The following ATAD2 variants were observed in gnomAD, a reference collection of about 807,000 sequenced individuals.
ATAD2 encodes ATPase family AAA domain containing 2, also known as ATPase family AAA domain-containing protein 2.
Under a neutral mutation model 168.9 loss-of-function variants are expected in ATAD2, and 62 were observed. That is an observed-to-expected ratio of 0.37 (90% CI 0.30 to 0.45). The LOEUF is 0.45. Among genes scored for constraint, ATAD2 ranks in the 20% least tolerant of loss-of-function variants. The pLI, the probability that ATAD2 is intolerant of heterozygous loss-of-function variation, is 1.00. For missense variants in ATAD2, 1,419 were observed against 1,667.8 expected (o/e 0.85, Z 2.60); for synonymous variants, 613 against 571.6 (o/e 1.07, Z -1.03).
chr8:123,387,160 G>C (rs1440771590), intron 1 of ATAD2, among the ~76,000 whole-genome samples: 1 of 151,908 alleles, frequency 6.6e-6, no homozygotes, highest in Non-Finnish European at 1.5e-5. Context: ...TTAAAACTGA[G>C]ATAATACTAT....
At position 123,326,041 on chromosome 8, in the gene ATAD2, C is replaced by T; in HGVS notation, c.3869-15G>A. ...AACACACATTTCTAGAATGAAAAAT[C>T]AAATGATTATTATTTGGTCCATAGA... On this transcript the variant is annotated splice_polypyrimidine_tract_variant and intron_variant, in intron 25 of 27. Transcript: ENST00000287394. 6.2e-7 allele frequency: 1 copy of T among 1,611,836 alleles called. No individual in the cohort carries two copies. Among genetic ancestry groups the T allele is most frequent in the South Asian group, 1.1e-5 (1 of 90,750 alleles).
chr8:123,389,567 A>G (rs979439564), intron 1 of ATAD2, among the ~76,000 whole-genome samples: 62 of 151,230 alleles, frequency 4.1e-4, no homozygotes, highest in Admixed American at 1.5e-3. Context: ...GTGAACCCAG[A>G]AGGAGGAGCT....
At chr8:123,324,008 C>T (rs902158026) in intron 26 of ATAD2, among the ~76,000 whole-genome samples, 11 of 152,118 alleles carry the variant, frequency 7.2e-5, no homozygotes, top group Non-Finnish European at 1.3e-4. Context: ...CTACTCTTAA[C>T]CCCAAACAAC....
Position 123,371,959 on chromosome 8 carries a change from T to TA in ATAD2, c.371-125dup, listed in dbSNP as rs530691223. ...TAACAAAATTACAGTATCTTAAACT[T>TA]AGCTTTCTTAAAAACATCAGAAAAC... On this transcript the variant is annotated intron_variant, in intron 3 of 27. Coordinates refer to ENST00000287394, the MANE Select transcript of ATAD2 (RefSeq NM_014109.4). 6.4e-4 allele frequency: 656 copies of TA among 1,028,098 alleles called. 6 individuals are homozygous for TA. The East Asian group carries it at 0.018, about 29-fold the overall frequency. 63.7% of individuals were successfully genotyped at this position (1,028,098 alleles called of 1,614,324 possible).
rs1194404607 is a variant in ATAD2, at chr8:123,344,987, G to A, written c.2615C>T (p.Thr872Ile). ...TAATGTGGTAAATGTGGCTTTAAGT[G>A]TCGGTCCAACTATTTCCCACCACAC... ...IHVWWEIVGP[T>I]LKATFTTLLQ... Residue 872 changes from threonine to isoleucine, a missense_variant, in exon 19 of 28, where the codon ACA becomes ATA. Around this residue, in one of 5 missense-constraint regions of ATAD2, gnomAD observed 545 missense variants for 724.9 expected, o/e 0.75. Coordinates refer to ENST00000287394, the MANE Select transcript of ATAD2 (RefSeq NM_014109.4). 6.2e-7 allele frequency: 1 copy of A among 1,614,002 alleles called. No individual in the cohort carries two copies. Among genetic ancestry groups the A allele is most frequent in the South Asian group, 1.1e-5 (1 of 91,082 alleles).
At chr8:123,341,913 C>A (rs1828073741) in intron 19 of ATAD2, among the ~76,000 whole-genome samples, 1 of 152,202 alleles carries the variant, frequency 6.6e-6, no homozygotes, top group Non-Finnish European at 1.5e-5. Context: ...ATGGTGAAAC[C>A]CCATCTCTAC....
rs564356489 is a variant in ATAD2 at position 123,369,567 on chromosome 8, G to A, written c.931+254C>T. On this transcript the variant is annotated intron_variant, in intron 7 of 27. Transcript: ENST00000287394. Reference sequence around the variant, plus strand: ...ACTGACAAAATAAATTAAGTAGAAAGCTGTGCAGTCTAAAGTAAAGACAGA... The same window carrying A: ...ACTGACAAAATAAATTAAGTAGAAAACTGTGCAGTCTAAAGTAAAGACAGA... Among the ~76,000 whole-genome samples the A allele has an allele frequency of 7.9e-5, 12 of 152,238 alleles. No homozygotes were observed. In the South Asian group the frequency reaches 8.3e-4, roughly 11 times the overall value.
intron 6 of ATAD2, 135 bp downstream of exon 6, chr8:123,370,768 C>A (rs1027924096): frequency 4.7e-6 from 3 of 635,184 alleles, no homozygotes; most frequent in Non-Finnish European, 7.8e-6. Flanking sequence ...CCTTTCCCCA[C>A]TTTTAAGTTA....
At chr8:123,366,301 A>C (rs551205580) in intron 8 of ATAD2, among the ~76,000 whole-genome samples, 1 of 152,312 alleles carries the variant, frequency 6.6e-6, no homozygotes, top group South Asian at 2.1e-4. Flanking sequence ...GACCACTTCT[A>C]CACTGCTGGT....
chr8:123,376,298 T>C (rs4871357), intron 2 of ATAD2, among the ~76,000 whole-genome samples: 150,909 of 152,034 alleles, frequency 0.99, 74,899 homozygotes, highest in East Asian at 1. Flanking sequence ...CCCAGCTACT[T>C]GGGAGGCTGG....
chr8:123,357,718 C>T lies in ATAD2; in HGVS notation c.1401G>A (p.Gly467=). 1 of 1,606,444 alleles carries T rather than the reference C, an allele frequency of 6.2e-7. No homozygotes were observed. The highest frequency in any genetic ancestry group is 8.5e-7 in the Non-Finnish European group (1 of 1,177,458). The stretch of plus-strand genomic sequence containing the variant: ...CCAGAGTCTTTCCAGTTCCAGGTGG[C>T]CCATAAAACAAACAACCTCTGTAAA... ...IQPPRGCLFY[G]PPGTGKTLVA... The change falls in exon 12 of 28, where the codon GGG becomes GGA. Residue 467 remains glycine, a synonymous_variant. Transcript: ENST00000287394.
At chr8:123,346,354 A>G (rs773469948) in intron 17 of ATAD2, 82 bp from the exon 18 acceptor site, 14 of 1,325,844 alleles carry the variant, frequency 1.1e-5, no homozygotes, top group Middle Eastern at 5.4e-4. Context: ...ATAAACTTTC[A>G]TAAGTAAAAA....
intron 1 of ATAD2, among the ~76,000 whole-genome samples, chr8:123,412,579 C>T (rs1232639332): frequency 6.6e-6 from 1 of 151,520 alleles, no homozygotes; most frequent in African/African-American, 2.4e-5. Context: ...ACTACAGATA[C>T]CACCATGCCT....
At position 123,347,196 on chromosome 8, in the gene ATAD2, G is replaced by A; in HGVS notation, c.2108C>T (p.Thr703Ile). 1.2e-6 allele frequency: 2 copies of A among 1,614,154 alleles called. No homozygotes were observed. Among genetic ancestry groups the A allele is most frequent in the Non-Finnish European group, 1.7e-6 (2 of 1,180,014 alleles). The change falls in exon 16 of 28, where the codon ACC becomes ATC. Residue 703 changes from threonine (T) to isoleucine (I), a missense_variant. This residue lies in a region of ATAD2 where 545 missense variants were observed against 724.9 expected (regional missense o/e 0.75). Coordinates refer to ENST00000287394, the MANE Select transcript of ATAD2 (RefSeq NM_014109.4). ...GTTTTGCAGGAGTGGTTTCACAACG[G>A]TGGACAGTGCCTGCCCAGGTGATGT... ...AVTSPGQALS[T>I]VVKPLLQNTV... is the part of the protein sequence containing the mutation.
At chr8:123,339,561 G>T in intron 19 of ATAD2, 115 bp from the exon 20 acceptor site, 2 of 942,434 alleles carry the variant, frequency 2.1e-6, no homozygotes, top group Non-Finnish European at 1.6e-6. Context: ...CATGTATTCA[G>T]TATGTCCCTC....
chr8:123,349,479 C>G (rs371757768), intron 13 of ATAD2, 35 bp from the exon 14 acceptor site: 9 of 1,560,768 alleles, frequency 5.8e-6, no homozygotes, highest in Non-Finnish European at 7.9e-6. Context: ...GAGATTAATA[C>G]TATGAACACA....
At chr8:123,386,619 TTAA>T (rs756047421) in intron 1 of ATAD2, among the ~76,000 whole-genome samples, 3 of 152,092 alleles carry the variant, frequency 2.0e-5, no homozygotes, top group Non-Finnish European at 4.4e-5. Flanking sequence ...GTGAATGTAC[TTAA>T]TGAACTGTAA....
chr8:123,329,579 G>A (rs1393477137), intron 24 of ATAD2, among the ~76,000 whole-genome samples: 1 of 151,760 alleles, frequency 6.6e-6, no homozygotes, highest in African/African-American at 2.4e-5. Context: ...TGGCTAACAC[G>A]GTGAAACCCC....
Position 123,369,188 on chromosome 8 carries a change from AATATATATATATATTTGTAT to A in ATAD2, c.932-33_932-14del. 6.5e-6 allele frequency: 7 copies of A among 1,083,576 alleles called. No homozygotes were observed. Among genetic ancestry groups the A allele is most frequent in the Non-Finnish European group, 8.9e-6 (7 of 787,508 alleles). 67.1% of individuals were successfully genotyped at this position (1,083,576 alleles called of 1,614,324 possible). Reference sequence around the variant, plus strand: ...TGGTGACGAGGTTCTAAAAAAAAGAAATATATATATATATTTGTATATATATATATATATGGCATACAAAT... The same window carrying A: ...TGGTGACGAGGTTCTAAAAAAAAGAAATATATATATATATGGCATACAAAT... On this transcript the variant is annotated splice_polypyrimidine_tract_variant and intron_variant, in intron 7 of 27. Transcript: ENST00000287394.
Sources: allele counts gnomAD v4.1 joint callset (sites outside exome capture counted in the v4.1 genomes callset), GRCh38; gene constraint gnomAD v4.1.1; regional missense constraint gnomAD v4.1.1; transcripts MANE v1.5; gene names NCBI Gene and HGNC (gene_info 2026-07-23, HGNC 2026-07-21).